ANXA6: variants seen among roughly 807,000 people sequenced by gnomAD.
ANXA6 encodes annexin A6.
Under a neutral mutation model 95.4 loss-of-function variants are expected in ANXA6, and 71 were observed. The observed-to-expected ratio is 0.74, with a 90% CI of 0.61 to 0.91. The LOEUF is 0.91. Ranked by LOEUF, ANXA6 falls within the 40% of genes least tolerant of loss-of-function variation. The probability of loss-of-function intolerance (pLI) is 0.00; values close to 1 mark genes in which losing one functional copy is unlikely to be tolerated. For synonymous variants in ANXA6, 289 were observed against 315.9 expected (o/e 0.91, Z 0.90); for missense variants, 830 against 876.4 (o/e 0.95, Z 0.67).
intron 2 of ANXA6, among the ~76,000 whole-genome samples, chr5:151,145,341 G>A (rs1176961329): frequency 6.6e-6 from 1 of 152,242 alleles, no homozygotes; most frequent in Non-Finnish European, 1.5e-5. Flanking sequence ...GCTCCTAGAA[G>A]TCCCAGGCAC....
At chr5:151,156,845 C>T (rs1009799911) in intron 1 of ANXA6, among the ~76,000 whole-genome samples, 1 of 152,152 alleles carries the variant, frequency 6.6e-6, no homozygotes, top group Non-Finnish European at 1.5e-5. Flanking sequence ...CCATTGTTTC[C>T]TTTGAAAGAG....
At chr5:151,136,424 TA>T in intron 6 of ANXA6, 89 bp from the exon 7 acceptor site, 1 of 1,302,946 alleles carries the variant, frequency 7.7e-7, no homozygotes, top group Non-Finnish European at 1.1e-6. Context: ...AATGATCAGA[TA>T]TTTTTAAGAA....
chr5:151,106,256 C>G (rs1287399529), intron 23 of ANXA6, among the ~76,000 whole-genome samples: 1 of 152,084 alleles, frequency 6.6e-6, no homozygotes, highest in African/African-American at 2.4e-5. Context: ...CTGCAAGGCT[C>G]CAGAGCCCAC....
intron 2 of ANXA6, 89 bp downstream of exon 2, chr5:151,147,795 G>A: frequency 1.4e-6 from 2 of 1,416,708 alleles, no homozygotes; most frequent in Non-Finnish European, 2.0e-6. Context: ...GAAGGTACCA[G>A]GGGTCTCTGT....
At chr5:151,116,441 G>C (rs1765000868) in intron 20 of ANXA6, among the ~76,000 whole-genome samples, 1 of 152,290 alleles carries the variant, frequency 6.6e-6, no homozygotes, top group South Asian at 2.1e-4. Context: ...CCCAGCCATA[G>C]AACCCTCAGG....
intron 23 of ANXA6, among the ~76,000 whole-genome samples, chr5:151,105,521 T>C (rs1041090823): frequency 2.6e-5 from 4 of 152,178 alleles, no homozygotes. Flanking sequence ...GTTGCAACTC[T>C]CTTCCTTCTA....
At chr5:151,140,594 A>ATATATATATATATATATATATT (rs201589041) in intron 2 of ANXA6, 21 of 141,648 alleles carry the variant, frequency 1.5e-4, no homozygotes, top group Middle Eastern at 3.8e-3. Flanking sequence ...ATATATATAT[A>ATATATATATATATATATATATT]TATATATATA....
intron 4 of ANXA6, 54 bp from the exon 5 acceptor site, chr5:151,138,845 A>G (rs1020141541): frequency 5.6e-6 from 7 of 1,255,098 alleles, no homozygotes; most frequent in Non-Finnish European, 6.9e-6. Context: ...GAGTAGTTAC[A>G]ACGGTAAGAA....
At chr5:151,128,026 A>G (rs1300367334) in intron 13 of ANXA6, among the ~76,000 whole-genome samples, 155 bp downstream of exon 13, 1 of 152,116 alleles carries the variant, frequency 6.6e-6, no homozygotes, top group African/African-American at 2.4e-5. Flanking sequence ...CAAGCACAGC[A>G]GCTACCAGCA....
intron 23 of ANXA6, among the ~76,000 whole-genome samples, chr5:151,107,176 T>C (rs1198112658): frequency 6.6e-6 from 1 of 152,184 alleles, no homozygotes; most frequent in Non-Finnish European, 1.5e-5. Flanking sequence ...CAGGGCTTGG[T>C]GGGAAACAAC....
At chr5:151,142,130 A>G (rs562950957) in intron 2 of ANXA6, among the ~76,000 whole-genome samples, 2 of 152,348 alleles carry the variant, frequency 1.3e-5, no homozygotes, top group South Asian at 4.1e-4. Context: ...GGACACCTCC[A>G]GTCCAGCGAT....
At chr5:151,154,211 T>C (rs1582023821) in intron 1 of ANXA6, among the ~76,000 whole-genome samples, 1 of 151,230 alleles carries the variant, frequency 6.6e-6, no homozygotes, top group Non-Finnish European at 1.5e-5. Flanking sequence ...CTGGTAGAAG[T>C]TGGGGGTTGA....
At chr5:151,101,949 T>G (rs2113886002) in intron 25 of ANXA6, among the ~76,000 whole-genome samples, 1 of 152,360 alleles carries the variant, frequency 6.6e-6, no homozygotes, top group East Asian at 1.9e-4. Flanking sequence ...TTGGTTCCCC[T>G]GGCACTCTGC....
intron 1 of ANXA6, among the ~76,000 whole-genome samples, chr5:151,153,060 C>T (rs963714449): frequency 6.6e-6 from 1 of 152,202 alleles, no homozygotes; most frequent in African/African-American, 2.4e-5. Flanking sequence ...CAGCACTCCT[C>T]TGCTCACAAG....
intron 2 of ANXA6, among the ~76,000 whole-genome samples, chr5:151,142,057 A>G (rs1017319545): frequency 1.5e-4 from 23 of 152,270 alleles, no homozygotes; most frequent in African/African-American, 5.5e-4. Context: ...AAAATGAACA[A>G]GAACACGAAA....
At chr5:151,118,968 G>A (rs1765085151) in intron 18 of ANXA6, among the ~76,000 whole-genome samples, 1 of 152,204 alleles carries the variant, frequency 6.6e-6, no homozygotes, top group South Asian at 2.1e-4. Context: ...AGCATAGCTT[G>A]CAACCAAGTG....
chr5:151,129,285 C>G (rs888867549), intron 12 of ANXA6, 122 bp downstream of exon 12: 2 of 1,275,886 alleles, frequency 1.6e-6, no homozygotes, highest in African/African-American at 3.0e-5. Context: ...GCAGGAGCTC[C>G]TGGAATGTCC....
At chr5:151,104,588 C>T (rs770946280) in intron 24 of ANXA6, among the ~76,000 whole-genome samples, 6 of 152,188 alleles carry the variant, frequency 3.9e-5, no homozygotes, top group Non-Finnish European at 2.9e-5. Context: ...CTTGACACAT[C>T]GTGAGTGCTC....
chr5:151,128,623 G>A (rs1339594022), intron 12 of ANXA6, among the ~76,000 whole-genome samples: 1 of 152,154 alleles, frequency 6.6e-6, no homozygotes, highest in East Asian at 1.9e-4. Flanking sequence ...GCATGGAAAT[G>A]GGGTTCCATG....
Sources: allele counts gnomAD v4.1 joint callset (sites outside exome capture counted in the v4.1 genomes callset), GRCh38; gene constraint gnomAD v4.1.1; transcripts MANE v1.5; gene names NCBI Gene and HGNC (gene_info 2026-07-23, HGNC 2026-07-21).